The following PNMA8A variants were observed in gnomAD, a reference collection of about 807,000 sequenced individuals.
The protein encoded by PNMA8A is paraneoplastic antigen-like protein 8A.
PNMA8A carries 17 observed loss-of-function variants against 26.6 expected under a neutral mutation model. The observed-to-expected ratio is 0.64, with a 90% CI of 0.44 to 0.96. PNMA8A has a LOEUF of 0.96. Ranked by LOEUF, PNMA8A falls within the 40% of genes least tolerant of loss-of-function variation. The probability of loss-of-function intolerance (pLI) is 0.00; values close to 1 mark genes in which losing one functional copy is unlikely to be tolerated. For missense variants in PNMA8A, 532 were observed against 488.4 expected, an observed-to-expected ratio of 1.09 and a Z score of -0.84; for synonymous variants, 224 against 182.0, an observed-to-expected ratio of 1.23 and a Z score of -1.86.
At chr19:46,468,633 A>T (rs1316429245) in intron 2 of PNMA8A, 56 bp from the exon 3 acceptor site, 4 of 1,438,530 alleles carry the variant, frequency 2.8e-6, no homozygotes. Context: ...GTCATTAGGA[A>T]ATGCATTACT....
In PNMA8A at chr19:46,470,233, G is replaced by C. The variant is rs1885799953; in HGVS notation, c.803C>G (p.Thr268Arg). The C allele has an allele frequency of 6.2e-7, 1 of 1,614,126 alleles. No homozygotes were observed. The highest frequency in any genetic ancestry group is 1.1e-5 in the South Asian group (1 of 91,088). ...KKPKGINSNS[T>R]ANLEDPEVGD... ...CACCTCAGGATCCTCCAAGTTAGCTGTGCTGTTGGAATTGATGCCTTTGGG... is the reference window on the plus strand; with the variant it reads ...CACCTCAGGATCCTCCAAGTTAGCTCTGCTGTTGGAATTGATGCCTTTGGG... The change falls in exon 2 of 3, where the codon ACA becomes AGA. Residue 268 changes from threonine to arginine, a missense_variant. Coordinates refer to ENST00000313683, the MANE Select transcript of PNMA8A (RefSeq NM_018215.4).
rs1438911159 is a variant in PNMA8A, at chr19:46,467,666, G to A, written c.*895C>T. 4 of 152,284 alleles carry A rather than the reference G, an allele frequency of 2.6e-5. No individual in the cohort carries two copies. Among genetic ancestry groups the A allele is most frequent in the African/African-American group, 7.2e-5 (3 of 41,442 alleles). The allele number at this position is 152,284 out of a possible 1,614,324, so 9.4% of individuals were successfully genotyped here. On this transcript the variant is annotated 3_prime_UTR_variant, in exon 3 of 3. Transcript: ENST00000313683. ...GATCGACCTGCCTCAGCCTCCCAAA[G>A]TGCTGGGATTACAGGCGTGAGCCAC...
chr19:46,470,383 C>T lies in PNMA8A; in HGVS notation c.653G>A (p.Trp218Ter). 2.5e-6 allele frequency: 4 copies of T among 1,614,068 alleles called. No individual in the cohort carries two copies. Among genetic ancestry groups the T allele is most frequent in the Non-Finnish European group, 3.4e-6 (4 of 1,180,036 alleles). Residue 218 changes from tryptophan to a stop codon, truncating the protein, a stop_gained, in exon 2 of 3, where the codon TGG becomes TAG. Transcript: ENST00000313683. LOFTEE classifies it high-confidence loss of function. Reference protein sequence around the residue: ...SALKAETPNNWNATEDQHEPT... With the variant: ...SALKAETPNN ...CTCATGCTGGTCTTCCGTGGCATTC[C>T]AGTTGTTGGGGGTCTCTGCCTTTAA...
At chr19:46,471,225 A>C (rs1601489523) in intron 1 of PNMA8A, 111 bp from the exon 2 acceptor site, 14 of 507,664 alleles carry the variant, frequency 2.8e-5, no homozygotes, top group South Asian at 9.9e-5. Context: ...CTTTCCCAAC[A>C]CCCTCCTCCC....
At chr19:46,469,700 C>T (rs1222835503) in intron 2 of PNMA8A, 33 bp downstream of exon 2, 1 of 1,554,780 alleles carries the variant, frequency 6.4e-7, no homozygotes, top group Admixed American at 1.9e-5. Context: ...CACTTGCTGG[C>T]ACGAGCCCAG....
In PNMA8A at chr19:46,470,660, G is replaced by A; in HGVS notation, c.376C>T (p.Arg126Cys). ...AEGRTWEDVV[R>C]LLQLNHPTLS... Reference sequence around the variant, plus strand: ...GTGGGGTGGTTGAGCTGGAGCAGGCGGACCACATCCTCCCAGGTGCGCCCC... The same window carrying A: ...GTGGGGTGGTTGAGCTGGAGCAGGCAGACCACATCCTCCCAGGTGCGCCCC... Residue 126 changes from arginine (R) to cysteine (C), a missense_variant, in exon 2 of 3, where the codon CGC becomes TGC. Arg to Cys is a radical substitution (Grantham distance 180, BLOSUM62 -3). Transcript: ENST00000313683. 3 of 1,444,062 alleles carry A rather than the reference G, an allele frequency of 2.1e-6. No homozygotes were observed. The highest frequency in any genetic ancestry group is 2.0e-6 in the Non-Finnish European group (2 of 1,024,630). 89.5% of individuals were successfully genotyped at this position (1,444,062 alleles called of 1,614,324 possible). A position where few individuals can be genotyped will look rare whatever the true frequency, so the allele number is the denominator to read the frequency against.
At chr19:46,469,252 G>A (rs185113545) in intron 2 of PNMA8A, among the ~76,000 whole-genome samples, 158 of 151,316 alleles carry the variant, frequency 1.0e-3, no homozygotes, top group Admixed American at 3.0e-3. Context: ...GGGATTACAG[G>A]TATGTGGCAC....
At chr19:46,469,178 G>A (rs1969748469) in intron 2 of PNMA8A, among the ~76,000 whole-genome samples, 2 of 149,204 alleles carry the variant, frequency 1.3e-5, no homozygotes, top group East Asian at 4.0e-4. Context: ...GCACAATCTA[G>A]GCTCACTGCA....
chr19:46,470,056 T>TC lies in PNMA8A; in HGVS notation c.979dup (p.Glu327GlyfsTer8). On this transcript the variant is annotated frameshift_variant, in exon 2 of 3. Transcript: ENST00000313683. LOFTEE classifies it high-confidence loss of function. ...TGACTCAGAGGCGCCTCCTGGGCTCTCGGCTTCTGCCCGGGCATCCTGAGG... is the reference window on the plus strand; with the variant it reads ...TGACTCAGAGGCGCCTCCTGGGCTCTCCGGCTTCTGCCCGGGCATCCTGAGG... 2 of 1,593,166 alleles carry TC rather than the reference T, an allele frequency of 1.3e-6. No homozygotes were observed. The highest frequency in any genetic ancestry group is 1.7e-6 in the Non-Finnish European group (2 of 1,172,294).
chr19:46,470,552 A>T lies in PNMA8A; in HGVS notation c.484T>A (p.Phe162Ile). Residue 162 changes from phenylalanine (F) to isoleucine (I), a missense_variant, in exon 2 of 3, where the codon TTC (phenylalanine) becomes ATC (isoleucine). Phe to Ile is a conservative substitution (Grantham distance 21). Transcript: ENST00000313683. Reference protein sequence around the residue: ...VLLGAVVQIIFCMDAEIRSRE... With the variant: ...VLLGAVVQIIICMDAEIRSRE... ...CTGCGGATCTCGGCATCCATGCAGA[A>T]GATGATCTGCACCACTGCTCCCAGA... is the stretch of plus-strand genomic sequence containing the variant. 2 of 1,614,054 alleles carry T rather than the reference A, an allele frequency of 1.2e-6. No homozygotes were observed. The highest frequency in any genetic ancestry group is 1.7e-5 in the Admixed American group (1 of 60,030).
At position 46,469,757 on chromosome 19, in the gene PNMA8A, C is replaced by CT. The variant is rs775801112; in HGVS notation, c.1278dup (p.Gly427ArgfsTer9). 1.6e-5 allele frequency: 25 copies of CT among 1,610,638 alleles called. No homozygotes were observed. The highest frequency in any genetic ancestry group is 2.1e-5 in the Non-Finnish European group (25 of 1,178,958). On this transcript the variant is annotated frameshift_variant, in exon 2 of 3. Coordinates refer to ENST00000313683, the MANE Select transcript of PNMA8A (RefSeq NM_018215.4). LOFTEE classifies it high-confidence loss of function. ...CCATTGGTGGCACGCCGAGGAGAGC[C>CT]TTCTGGCTTGGCCTTCGGACCCCTA...
Position 46,470,912 on chromosome 19 carries a change from T to C in PNMA8A, c.124A>G (p.Thr42Ala). The change falls in exon 2 of 3, where the codon ACC becomes GCC. Residue 42 changes from threonine (T) to alanine (A), a missense_variant. By Grantham distance (58) the Thr-to-Ala change is moderately conservative. Coordinates refer to ENST00000313683, the MANE Select transcript of PNMA8A (RefSeq NM_018215.4). ...AGTGGGGAGAGGACCCCATTCAAGG[T>C]CTCCTCAATTTCTGCCTGCCCACAG... Reference protein sequence around the residue: ...EDCGQAEIEETLNGVLSPLGP... With the variant: ...EDCGQAEIEEALNGVLSPLGP... The C allele has an allele frequency of 1.3e-6, 1 of 780,808 alleles. No homozygotes were observed. Among genetic ancestry groups the C allele is most frequent in the East Asian group, 2.4e-5 (1 of 41,238 alleles). The allele number at this position is 780,808 out of a possible 1,614,324, so 48.4% of individuals were successfully genotyped here. A position where few individuals can be genotyped will look rare whatever the true frequency, so the allele number is the denominator to read the frequency against.
rs186520457 is a variant in PNMA8A at position 46,468,628 on chromosome 19, T to C, written c.1304-51A>G. The C allele has an allele frequency of 2.7e-6, 4 of 1,473,822 alleles. No homozygotes were observed. The African/African-American group carries it at 4.2e-5, about 15-fold the overall frequency. The allele number at this position is 1,473,822 out of a possible 1,614,324, so 91.3% of individuals were successfully genotyped here. A position where few individuals can be genotyped will look rare whatever the true frequency, so the allele number is the denominator to read the frequency against. Reference sequence around the variant, plus strand: ...AAGAAGGGAAGCAGAGAGGTGTCATTAGGAAATGCATTACTTCCAAGAAAT... The same window carrying C: ...AAGAAGGGAAGCAGAGAGGTGTCATCAGGAAATGCATTACTTCCAAGAAAT... On this transcript the variant is annotated intron_variant, in intron 2 of 2. Transcript: ENST00000313683.
In PNMA8A at chr19:46,470,247, G is replaced by A. The variant is rs1178990190; in HGVS notation, c.789C>T (p.Ile263=). The change falls in exon 2 of 3, where the codon ATC becomes ATT. Residue 263 remains isoleucine, a synonymous_variant. Transcript: ENST00000313683. ...CCAAGTTAGCTGTGCTGTTGGAATT[G>A]ATGCCTTTGGGTTTTTTCCAGGGCA... is the stretch of plus-strand genomic sequence containing the variant. ...EAVPWKKPKG[I]NSNSTANLED... is the part of the protein sequence containing the mutation. 33 of 1,613,938 alleles carry A rather than the reference G, an allele frequency of 2.0e-5. No individual in the cohort carries two copies. Among genetic ancestry groups the A allele is most frequent in the Non-Finnish European group, 2.8e-5 (33 of 1,180,054 alleles).
Position 46,470,058 on chromosome 19 carries a change from G to A in PNMA8A, c.978C>T (p.Ala326=), listed in dbSNP as rs61628326. ...ACTCAGAGGCGCCTCCTGGGCTCTCGGCTTCTGCCCGGGCATCCTGAGGTG... is the reference window on the plus strand; with the variant it reads ...ACTCAGAGGCGCCTCCTGGGCTCTCAGCTTCTGCCCGGGCATCCTGAGGTG... ...REPPQDARAE[A]ESPGGASESD... The change falls in exon 2 of 3, where the codon GCC becomes GCT. Residue 326 remains alanine, a synonymous_variant. Coordinates refer to ENST00000313683, the MANE Select transcript of PNMA8A (RefSeq NM_018215.4). 2.9e-3 allele frequency: 4,548 copies of A among 1,592,786 alleles called. 81 individuals carry two copies. In the African/African-American group the frequency reaches 0.048, roughly 17 times the overall value.
chr19:46,468,893 C>T (rs1969744059), intron 2 of PNMA8A, among the ~76,000 whole-genome samples: 1 of 151,970 alleles, frequency 6.6e-6, no homozygotes, highest in African/African-American at 2.4e-5. Context: ...CCAGGAGCCC[C>T]TGAAGGCCGA....
At chr19:46,468,681 C>T in intron 2 of PNMA8A, 104 bp from the exon 3 acceptor site, 1 of 889,630 alleles carries the variant, frequency 1.1e-6, no homozygotes, top group Non-Finnish European at 1.9e-6. Flanking sequence ...TTTCTATTCC[C>T]CAGCCAGGTC....
Position 46,467,718 on chromosome 19 carries a change from A to G in PNMA8A, c.*843T>C, listed in dbSNP as rs1187161047. 1 of 152,268 alleles carries G rather than the reference A, an allele frequency of 6.6e-6. No individual in the cohort carries two copies. Among genetic ancestry groups the G allele is most frequent in the Non-Finnish European group, 1.5e-5 (1 of 68,150 alleles). The allele number at this position is 152,268 out of a possible 1,614,324, so 9.4% of individuals were successfully genotyped here. A position where few individuals can be genotyped will look rare whatever the true frequency, so the allele number is the denominator to read the frequency against. On this transcript the variant is annotated 3_prime_UTR_variant, in exon 3 of 3. Transcript: ENST00000313683. ...GTGCCCGGCCAACAGCCAAGTTTTAAAAGATTTTTTTCCCCTCTTACTATA... is the reference window on the plus strand; with the variant it reads ...GTGCCCGGCCAACAGCCAAGTTTTAGAAGATTTTTTTCCCCTCTTACTATA...
At position 46,470,109 on chromosome 19, in the gene PNMA8A, T is replaced by C; in HGVS notation, c.927A>G (p.Lys309=). 1 of 1,604,372 alleles carries C rather than the reference T, an allele frequency of 6.2e-7. No individual in the cohort carries two copies. The highest frequency in any genetic ancestry group is 8.5e-7 in the Non-Finnish European group (1 of 1,176,036). Residue 309 remains lysine, a synonymous_variant, in exon 2 of 3, where the codon AAA becomes AAG. Transcript: ENST00000313683. The part of the protein sequence containing the change: ...EELALKKPMA[K]CAWKGPREPP... ...GCTCTCTGGGACCCTTCCAGGCACA[T>C]TTCGCCATGGGCTTCTTCAAAGCCA... is the stretch of plus-strand genomic sequence containing the variant.
Sources: gnomAD v4.1 joint callset for allele counts (sites outside exome capture counted in the v4.1 genomes callset) on GRCh38, gnomAD v4.1.1 for gene constraint, MANE v1.5 for transcripts, NCBI Gene and HGNC (gene_info 2026-07-23, HGNC 2026-07-21) for gene names.